The following FAM161B variants were observed in gnomAD, a reference collection of about 807,000 sequenced individuals.
FAM161B encodes protein FAM161B.
FAM161B carries 46 observed loss-of-function variants against 61.5 expected under a neutral mutation model. That is an observed-to-expected ratio of 0.75 (90% confidence interval 0.59 to 0.96). FAM161B has a LOEUF of 0.96. FAM161B is among the 40% of genes least tolerant of loss of function. The probability of loss-of-function intolerance (pLI) is 0.00; values close to 1 mark genes in which losing one functional copy is unlikely to be tolerated. For synonymous variants in FAM161B, 284 were observed against 302.7 expected, an observed-to-expected ratio of 0.94 and a Z score of 0.64; for missense variants, 774 against 800.7, an observed-to-expected ratio of 0.97 and a Z score of 0.40.
chr14:73,932,634 T>TTATGATTTG lies in FAM161B; in HGVS notation c.*1613_*1621dup. On this transcript the variant is annotated 3_prime_UTR_variant, in exon 9 of 9. Transcript: ENST00000286544. ...CTGAGAAAATATCCACTCATCATCA[T>TTATGATTTG]TATGATTTGAGATGGGGTCTTGCTC... 1 of 374,414 alleles carries TTATGATTTG rather than the reference T, an allele frequency of 2.7e-6. No individual in the cohort carries two copies. Among genetic ancestry groups the TTATGATTTG allele is most frequent in the Non-Finnish European group, 5.2e-6 (1 of 192,728 alleles). 23.2% of individuals were successfully genotyped at this position (374,414 alleles called of 1,614,324 possible). A position where few individuals can be genotyped will look rare whatever the true frequency, so the allele number is the denominator to read the frequency against.
At chr14:73,930,070 C>T (rs1430531619), downstream of FAM161B, among the ~76,000 whole-genome samples, 1 of 152,130 alleles carries the variant, frequency 6.6e-6, no homozygotes, top group Admixed American at 6.5e-5. Context: ...ATAAGAGATT[C>T]CCAGCTAGTT....
intron 1 of FAM161B, among the ~76,000 whole-genome samples, chr14:73,948,637 G>A (rs2056090091): frequency 6.6e-6 from 1 of 152,160 alleles, no homozygotes; most frequent in South Asian, 2.1e-4. Flanking sequence ...CATTTAAAGT[G>A]TACAATTCAG....
intron 2 of FAM161B, among the ~76,000 whole-genome samples, chr14:73,946,045 G>T (rs1172244041): frequency 1.3e-5 from 2 of 152,114 alleles, no homozygotes; most frequent in African/African-American, 4.8e-5. Context: ...CCTGAGGAAA[G>T]GCTGCCCTTT....
Position 73,932,930 on chromosome 14 carries a change from T to C in FAM161B, c.*1326A>G, listed in dbSNP as rs193172048. The C allele has an allele frequency of 6.5e-6, 1 of 153,082 alleles. No individual in the cohort carries two copies. Among genetic ancestry groups the C allele is most frequent in the East Asian group, 1.9e-4 (1 of 5,186 alleles). 9.5% of individuals were successfully genotyped at this position (153,082 alleles called of 1,614,324 possible). ...TGAACCACTGCACCGAGCCAGAATA[T>C]CCAATTATTATTGGTGAGAAGAAAA... On this transcript the variant is annotated 3_prime_UTR_variant, in exon 9 of 9. Transcript: ENST00000286544.
downstream of FAM161B, among the ~76,000 whole-genome samples, chr14:73,930,313 A>G (rs1326520235): frequency 6.6e-6 from 1 of 152,142 alleles, no homozygotes; most frequent in African/African-American, 2.4e-5. Context: ...TAAATTCCAT[A>G]TAATTAAACT....
chr14:73,937,734 A>T, intron 6 of FAM161B, 33 bp from the exon 7 acceptor site: 1 of 1,605,668 alleles, frequency 6.2e-7, no homozygotes, highest in Non-Finnish European at 8.5e-7. Flanking sequence ...AAAGAATTTC[A>T]TCTTTTCTAA....
At chr14:73,924,409 G>A in the FAM161B span, among the ~76,000 whole-genome samples, 4 of 152,286 alleles carry the variant, frequency 2.6e-5, no homozygotes, top group Non-Finnish European at 5.9e-5. Context: ...TGGCCTGGGG[G>A]TTGGTGACTT....
At chr14:73,931,603 C>T (rs1167142404), downstream of FAM161B, 18 of 1,500,016 alleles carry the variant, frequency 1.2e-5, no homozygotes, top group Non-Finnish European at 1.7e-5. Flanking sequence ...ATACTGGGAA[C>T]AGGATGCCTT....
chr14:73,923,761 T>C, the FAM161B span, among the ~76,000 whole-genome samples: 1 of 152,148 alleles, frequency 6.6e-6, no homozygotes, highest in African/African-American at 2.4e-5. Context: ...TATACATTCC[T>C]TGTTGATGTC....
At chr14:73,938,616 CA>C (rs2055991504) in intron 5 of FAM161B, among the ~76,000 whole-genome samples, 1 of 150,102 alleles carries the variant, frequency 6.7e-6, no homozygotes, top group Non-Finnish European at 1.5e-5. Flanking sequence ...ACTAAAAATA[CA>C]AAAAATTAGC....
intron 1 of FAM161B, 66 bp downstream of exon 1, chr14:73,949,907 A>T: frequency 1.3e-6 from 2 of 1,596,748 alleles, no homozygotes; most frequent in Non-Finnish European, 1.7e-6. Flanking sequence ...TCTGTCTCCA[A>T]GGCAACGCCC....
chr14:73,944,817 T>TG lies in FAM161B; in HGVS notation c.442dup (p.Gln148ProfsTer49). The TG allele has an allele frequency of 6.4e-7, 1 of 1,564,746 alleles. No homozygotes were observed. Among genetic ancestry groups the TG allele is most frequent in the Non-Finnish European group, 8.7e-7 (1 of 1,155,172 alleles). On this transcript the variant is annotated frameshift_variant, in exon 3 of 9. Coordinates refer to ENST00000286544, the MANE Select transcript of FAM161B (RefSeq NM_152445.3). LOFTEE classifies it high-confidence loss of function. ...GGGAGGCCGGGAGCCTGAGGGTGGCTGGGTCTGAGGCCTGGGAATGTTGGA... is the reference window on the plus strand; with the variant it reads ...GGGAGGCCGGGAGCCTGAGGGTGGCTGGGGTCTGAGGCCTGGGAATGTTGGA...
intron 4 of FAM161B, among the ~76,000 whole-genome samples, chr14:73,941,780 A>G (rs1303894291): frequency 6.6e-6 from 1 of 152,164 alleles, no homozygotes; most frequent in African/African-American, 2.4e-5. Flanking sequence ...ATCTCAGCTC[A>G]CTGCAATCTC....
chr14:73,932,157 T>C (rs556447053), downstream of FAM161B: 27 of 369,898 alleles, frequency 7.3e-5, no homozygotes, highest in African/African-American at 4.0e-4. Flanking sequence ...CTTTGCTTTC[T>C]TCGTTAATGG....
rs1198289556 is a variant in FAM161B, at chr14:73,932,578, C to G, written c.*1678G>C. 2 of 411,506 alleles carry G rather than the reference C, an allele frequency of 4.9e-6. No individual in the cohort carries two copies. The highest frequency in any genetic ancestry group is 9.5e-6 in the Non-Finnish European group (2 of 210,440). 25.5% of individuals were successfully genotyped at this position (411,506 alleles called of 1,614,324 possible). A position where few individuals can be genotyped will look rare whatever the true frequency, so the allele number is the denominator to read the frequency against. ...AGGTGCTTTAGTTAGAGCAGGCACT[C>G]TTGCTATCAGTCATCCTGTCTCCAC... On this transcript the variant is annotated 3_prime_UTR_variant, in exon 9 of 9. Coordinates refer to ENST00000286544, the MANE Select transcript of FAM161B (RefSeq NM_152445.3).
chr14:73,944,336 C>T lies in FAM161B; in HGVS notation c.924G>A (p.Gln308=), dbSNP rs756929481. ...ILEPALGDKL[Q]EAELFRKIRI... ...GCAAGGTGGCAAGGATGTCTTTACC[C>T]TGGAGTTTATCCCCAAGGGCTGGCT... Residue 308 remains glutamine, a splice_region_variant and synonymous_variant, in exon 3 of 9, where the codon CAG becomes CAA. Coordinates refer to ENST00000286544, the MANE Select transcript of FAM161B (RefSeq NM_152445.3). 5 of 1,578,410 alleles carry T rather than the reference C, an allele frequency of 3.2e-6. No homozygotes were observed. The Admixed American group carries it at 7.1e-5, about 22-fold the overall frequency.
In FAM161B at chr14:73,937,691, G is replaced by A. The variant is rs373009826; in HGVS notation, c.1576C>T (p.Arg526Cys). 2.6e-5 allele frequency: 42 copies of A among 1,613,298 alleles called. No homozygotes were observed. The highest frequency in any genetic ancestry group is 3.3e-5 in the South Asian group (3 of 90,920). ...TTCTTATATTCTTTCGCTCTTTTAC[G>A]GTCATTGTTCCTGGAATTAGCAAGA... ...AKLKENRNND[R>C]KRAKEYKKEL... The change falls in exon 7 of 9, where the codon CGT becomes TGT. Residue 526 changes from arginine to cysteine, a missense_variant. By Grantham distance (180) the Arg-to-Cys change is radical. Transcript: ENST00000286544.
At chr14:73,945,821 A>G (rs1431540210) in intron 2 of FAM161B, among the ~76,000 whole-genome samples, 1 of 151,892 alleles carries the variant, frequency 6.6e-6, no homozygotes, top group Admixed American at 6.6e-5. Flanking sequence ...AGCTCACTGC[A>G]ACCACCACCT....
At chr14:73,941,754 G>A (rs1210768461) in intron 4 of FAM161B, among the ~76,000 whole-genome samples, 1 of 152,164 alleles carries the variant, frequency 6.6e-6, no homozygotes, top group Non-Finnish European at 1.5e-5. Flanking sequence ...TGTCCAGGCT[G>A]GCCTGCGGTG....
Sources: allele counts gnomAD v4.1 joint callset (sites outside exome capture counted in the v4.1 genomes callset), GRCh38; gene constraint gnomAD v4.1.1; transcripts MANE v1.5; gene names NCBI Gene and HGNC (gene_info 2026-07-23, HGNC 2026-07-21).